Variants in GRIK2 observed in about 807,000 individuals in gnomAD.
GRIK2 encodes glutamate ionotropic receptor kainate type subunit 2, also known as glutamate receptor ionotropic, kainate 2.
Under a neutral mutation model 100.3 loss-of-function variants are expected in GRIK2, and 32 were observed. The observed-to-expected ratio is 0.32, with a 90% CI of 0.24 to 0.43. GRIK2 has a LOEUF of 0.43. GRIK2 is among the 20% of genes least tolerant of loss of function. The pLI is 1.00. For missense variants in GRIK2, 843 were observed against 1,114.9 expected, an observed-to-expected ratio of 0.76 and a Z score of 3.47; for synonymous variants, 417 against 389.4, an observed-to-expected ratio of 1.07 and a Z score of -0.83.
chr6:101,691,194 T>TG (rs1459317430), intron 7 of GRIK2, among the ~76,000 whole-genome samples: 3 of 152,196 alleles, frequency 2.0e-5, no homozygotes, highest in African/African-American at 7.2e-5. Context: ...AAATATATGT[T>TG]GGAGAGCATT....
At chr6:102,022,522 GT>G (rs1344403404) in intron 14 of GRIK2, among the ~76,000 whole-genome samples, 1 of 151,648 alleles carries the variant, frequency 6.6e-6, no homozygotes, top group African/African-American at 2.4e-5. Context: ...GTGACGGCAT[GT>G]CTCTAAAAAC....
intron 2 of GRIK2, among the ~76,000 whole-genome samples, chr6:101,552,429 C>A (rs185201331): frequency 6.6e-6 from 1 of 152,200 alleles, no homozygotes; most frequent in East Asian, 1.9e-4. Flanking sequence ...TATTTTCCTG[C>A]TTTTGCTTTG....
At chr6:101,569,866 G>C (rs1777450485) in intron 2 of GRIK2, among the ~76,000 whole-genome samples, 1 of 152,000 alleles carries the variant, frequency 6.6e-6, no homozygotes, top group Non-Finnish European at 1.5e-5. Context: ...AAATACTATT[G>C]CTGGAAATCT....
chr6:101,642,488 T>C (rs770794594), intron 4 of GRIK2, among the ~76,000 whole-genome samples: 1 of 151,888 alleles, frequency 6.6e-6, no homozygotes, highest in South Asian at 2.1e-4. Context: ...GATTATACAG[T>C]GTTTGTCTTT....
intron 2 of GRIK2, among the ~76,000 whole-genome samples, chr6:101,549,587 A>AT (rs550557307): frequency 2.0e-5 from 3 of 151,924 alleles, no homozygotes; most frequent in East Asian, 1.9e-4. Flanking sequence ...TAATGCAGCA[A>AT]TTTTTTTCTT....
intron 11 of GRIK2, among the ~76,000 whole-genome samples, chr6:101,874,657 GA>G (rs1249804146): frequency 7.2e-5 from 11 of 152,066 alleles, no homozygotes. Flanking sequence ...GCTTGATGGG[GA>G]TGGCATTGAA....
chr6:101,433,376 C>T (rs973102277), intron 2 of GRIK2, among the ~76,000 whole-genome samples: 1 of 150,532 alleles, frequency 6.6e-6, no homozygotes, highest in African/African-American at 2.5e-5. Flanking sequence ...ACCTGCGTGA[C>T]GTGCAGCAAA....
At chr6:101,450,253 T>C (rs1770600764) in intron 2 of GRIK2, among the ~76,000 whole-genome samples, 1 of 151,646 alleles carries the variant, frequency 6.6e-6, no homozygotes, top group Non-Finnish European at 1.5e-5. Context: ...TAATTAGTAA[T>C]AATAGATTTA....
chr6:101,604,656 G>A (rs987029410), intron 2 of GRIK2, among the ~76,000 whole-genome samples: 12 of 152,030 alleles, frequency 7.9e-5, no homozygotes, highest in African/African-American at 2.6e-4. Context: ...TTGAAGGGCT[G>A]TTAGAAGACA....
chr6:101,853,245 T>C (rs545064298), intron 10 of GRIK2, among the ~76,000 whole-genome samples: 2 of 152,342 alleles, frequency 1.3e-5, no homozygotes, highest in South Asian at 2.1e-4. Context: ...TTCTTAGCTA[T>C]GTGACCTGGG....
chr6:101,860,154 T>C (rs1049292047), intron 11 of GRIK2, among the ~76,000 whole-genome samples: 7 of 152,148 alleles, frequency 4.6e-5, no homozygotes, highest in African/African-American at 1.7e-4. Context: ...TTCTTGGTGG[T>C]ACAATATGAA....
intron 7 of GRIK2, among the ~76,000 whole-genome samples, chr6:101,692,117 GC>G (rs1772152812): frequency 6.7e-6 from 1 of 150,184 alleles, no homozygotes; most frequent in Non-Finnish European, 1.5e-5. Flanking sequence ...GAACAGACAG[GC>G]TTTTTCATTT....
chr6:101,592,603 A>ATT (rs1360973043), intron 2 of GRIK2, among the ~76,000 whole-genome samples: 1 of 111,512 alleles, frequency 9.0e-6, no homozygotes, highest in East Asian at 2.4e-4. Flanking sequence ...ATATATATAT[A>ATT]TATATATATA....
At position 102,023,682 on chromosome 6, in the gene GRIK2, G is replaced by A. The variant is rs1769546083; in HGVS notation, c.2086-11659G>A. 2.0e-5 allele frequency among the ~76,000 whole-genome samples: 3 copies of A among 151,464 alleles called. No individual in the cohort carries two copies. The South Asian group carries it at 6.2e-4, about 31-fold the overall frequency. On this transcript the variant is annotated intron_variant, in intron 14 of 16. Coordinates refer to ENST00000369134, the MANE Select transcript of GRIK2 (RefSeq NM_021956.5). Reference sequence around the variant, plus strand: ...AGAGATACTAAGCTTTCTGGGCAGGGTTGAACATGTGCTTCAGTTTCACTC... The same window carrying A: ...AGAGATACTAAGCTTTCTGGGCAGGATTGAACATGTGCTTCAGTTTCACTC...
At chr6:101,402,162 C>T (rs1331917021) in intron 2 of GRIK2, among the ~76,000 whole-genome samples, 1 of 152,106 alleles carries the variant, frequency 6.6e-6, no homozygotes, top group East Asian at 1.9e-4. Context: ...TCCCTCGCCT[C>T]CCCCGCCCGT....
At chr6:101,830,190 C>T (rs955128028) in intron 10 of GRIK2, among the ~76,000 whole-genome samples, 13 of 151,958 alleles carry the variant, frequency 8.6e-5, no homozygotes, top group Middle Eastern at 3.4e-3. Flanking sequence ...ATATCTTATT[C>T]AATGAATGGT....
intron 14 of GRIK2, among the ~76,000 whole-genome samples, chr6:101,974,162 A>C (rs1323933606): frequency 6.6e-6 from 1 of 151,976 alleles, no homozygotes; most frequent in East Asian, 1.9e-4. Flanking sequence ...AATAATTGTG[A>C]ATAAAAATTC....
chr6:101,962,131 T>A (rs1307844712), intron 14 of GRIK2, among the ~76,000 whole-genome samples: 4 of 152,118 alleles, frequency 2.6e-5, no homozygotes, highest in Admixed American at 2.6e-4. Context: ...ATCTACCTTA[T>A]CCATGGGACT....
intron 10 of GRIK2, among the ~76,000 whole-genome samples, chr6:101,837,534 A>AT (rs889558074): frequency 3.9e-5 from 6 of 152,308 alleles, no homozygotes; most frequent in Non-Finnish European, 7.4e-5. Context: ...TTATCTCTGA[A>AT]TTATACCTCA....
Sources: gnomAD v4.1 joint callset for allele counts (sites outside exome capture counted in the v4.1 genomes callset) on GRCh38, gnomAD v4.1.1 for gene constraint, MANE v1.5 for transcripts, NCBI Gene and HGNC (gene_info 2026-07-23, HGNC 2026-07-21) for gene names.